RASEF: variants seen among roughly 807,000 people sequenced by gnomAD.
RASEF encodes the protein RAS and EF-hand domain containing.
Under a neutral mutation model 90.1 loss-of-function variants are expected in RASEF, and 68 were observed. The observed-to-expected ratio is 0.75, with a 90% CI of 0.62 to 0.92. The LOEUF (loss-of-function observed/expected upper bound fraction) is 0.92, where lower values mean the gene tolerates loss of function less well. Ranked by LOEUF, RASEF falls within the 40% of genes least tolerant of loss-of-function variation. The probability of loss-of-function intolerance (pLI) is 0.00; values close to 1 mark genes in which losing one functional copy is unlikely to be tolerated. For missense variants in RASEF, 949 were observed against 937.2 expected, an observed-to-expected ratio of 1.01 and a Z score of -0.16; for synonymous variants, 331 against 345.2, an observed-to-expected ratio of 0.96 and a Z score of 0.46.
chr9:83,010,385 C>T (rs1043744872), intron 5 of RASEF, among the ~76,000 whole-genome samples: 1 of 152,042 alleles, frequency 6.6e-6, no homozygotes, highest in Non-Finnish European at 1.5e-5. Context: ...AAGAGCAGCC[C>T]AGAGCATTCA....
At chr9:83,200,494 C>T in the RASEF span, among the ~76,000 whole-genome samples, 1 of 152,206 alleles carries the variant, frequency 6.6e-6, no homozygotes, top group African/African-American at 2.4e-5. Context: ...CAGAAAGGTC[C>T]TTTCCCAGAT....
the RASEF span, among the ~76,000 whole-genome samples, chr9:83,074,622 C>T: frequency 6.6e-6 from 1 of 152,148 alleles, no homozygotes. Context: ...ATTTCAGTGT[C>T]CATAAAGCTT....
At chr9:83,075,040 C>A in the RASEF span, among the ~76,000 whole-genome samples, 2 of 152,094 alleles carry the variant, frequency 1.3e-5, no homozygotes, top group African/African-American at 4.8e-5. Context: ...TAACCTTATG[C>A]AATTTTGTCT....
the RASEF span, among the ~76,000 whole-genome samples, chr9:83,179,691 C>T: frequency 6.6e-6 from 1 of 152,064 alleles, no homozygotes; most frequent in African/African-American, 2.4e-5. Context: ...ACTGTAATTG[C>T]AAATAAGCTT....
At chr9:83,137,611 T>C in the RASEF span, among the ~76,000 whole-genome samples, 1 of 152,114 alleles carries the variant, frequency 6.6e-6, no homozygotes, top group African/African-American at 2.4e-5. Flanking sequence ...AAAGGTGTGC[T>C]GAACGAAGTC....
chr9:83,126,672 C>T, the RASEF span, among the ~76,000 whole-genome samples: 1 of 152,192 alleles, frequency 6.6e-6, no homozygotes, highest in Non-Finnish European at 1.5e-5. Flanking sequence ...CAGTAGCTAC[C>T]TACTGCCCTG....
Position 83,005,455 on chromosome 9 carries a change from A to G in RASEF, c.1074T>C (p.Ser358=), listed in dbSNP as rs376992674. ...ACTTGCTATAACTGTTTTCAAGGGCACTTCTAAGGCCATCATTACTGTCAT... is the reference window on the plus strand; with the variant it reads ...ACTTGCTATAACTGTTTTCAAGGGCGCTTCTAAGGCCATCATTACTGTCAT... ...KLHDSNDGLR[S]ALENSYSKFN... The change falls in exon 8 of 17, where the codon AGT becomes AGC. Residue 358 remains serine (S), a synonymous_variant. Coordinates refer to ENST00000376447, the MANE Select transcript of RASEF (RefSeq NM_152573.4). 2 of 1,614,042 alleles carry G rather than the reference A, an allele frequency of 1.2e-6. No homozygotes were observed. The highest frequency in any genetic ancestry group is 2.2e-5 in the South Asian group (2 of 91,082).
chr9:83,203,181 T>C, the RASEF span, among the ~76,000 whole-genome samples: 1 of 152,234 alleles, frequency 6.6e-6, no homozygotes, highest in South Asian at 2.1e-4. Context: ...TTTACATTTA[T>C]TTATTAAATA....
the RASEF span, among the ~76,000 whole-genome samples, chr9:83,164,152 A>G: frequency 6.6e-6 from 1 of 151,444 alleles, no homozygotes; most frequent in East Asian, 1.9e-4. Flanking sequence ...AGTCACGTAG[A>G]ATAGAGAGAA....
At chr9:83,092,081 A>G in the RASEF span, among the ~76,000 whole-genome samples, 1 of 130,098 alleles carries the variant, frequency 7.7e-6, no homozygotes, top group African/African-American at 2.9e-5. Context: ...GCTGGAAGTC[A>G]GAGTTCTGAA....
At chr9:83,116,578 C>T in the RASEF span, among the ~76,000 whole-genome samples, 1 of 152,124 alleles carries the variant, frequency 6.6e-6, no homozygotes, top group Admixed American at 6.6e-5. Context: ...TAGTATTTAT[C>T]GAGCACATGC....
At chr9:83,208,318 A>T in the RASEF span, among the ~76,000 whole-genome samples, 1 of 152,118 alleles carries the variant, frequency 6.6e-6, no homozygotes, top group Non-Finnish European at 1.5e-5. Flanking sequence ...CTTGTGGGAG[A>T]TAAGAAAATT....
the RASEF span, among the ~76,000 whole-genome samples, chr9:83,151,151 T>C: frequency 6.6e-6 from 1 of 152,148 alleles, no homozygotes; most frequent in Non-Finnish European, 1.5e-5. Context: ...TTGTTGAGAA[T>C]TGCCAGCGCA....
chr9:83,084,387 A>T, the RASEF span, among the ~76,000 whole-genome samples: 6 of 152,212 alleles, frequency 3.9e-5, no homozygotes, highest in Non-Finnish European at 5.9e-5. Flanking sequence ...ATAATTATTT[A>T]AAATATCACC....
the RASEF span, among the ~76,000 whole-genome samples, chr9:83,093,250 C>T: frequency 6.6e-6 from 1 of 152,252 alleles, no homozygotes. Context: ...GTGGATCCCG[C>T]ACCAGGCTGC....
At chr9:83,180,163 G>C in the RASEF span, among the ~76,000 whole-genome samples, 1 of 152,070 alleles carries the variant, frequency 6.6e-6, no homozygotes, top group Admixed American at 6.6e-5. Flanking sequence ...AATGGTTTAA[G>C]CCAAGTACAA....
chr9:83,071,747 T>C, the RASEF span, among the ~76,000 whole-genome samples: 1 of 152,170 alleles, frequency 6.6e-6, no homozygotes, highest in Admixed American at 6.5e-5. Flanking sequence ...CTGATGGATT[T>C]CATTCTAATC....
chr9:83,216,943 A>T, the RASEF span, among the ~76,000 whole-genome samples: 1 of 152,160 alleles, frequency 6.6e-6, no homozygotes, highest in Non-Finnish European at 1.5e-5. Flanking sequence ...CAAACACTCA[A>T]CACCAGCTGT....
Position 82,982,789 on chromosome 9 carries a change from C to CAGAGATAGAG in RASEF, c.2118-17_2118-8dup. On this transcript the variant is annotated splice_region_variant and splice_polypyrimidine_tract_variant and intron_variant, in intron 16 of 16. Transcript: ENST00000376447. ...AGTTCTCTTTTTCACTTCTCTGAGA[C>CAGAGATAGAG]AGAGATAGAGAGAGACAGAGAGAGA... The CAGAGATAGAG allele has an allele frequency of 1.4e-6, 2 of 1,445,236 alleles. No homozygotes were observed. Among genetic ancestry groups the CAGAGATAGAG allele is most frequent in the South Asian group, 2.3e-5 (2 of 86,872 alleles). 89.5% of individuals were successfully genotyped at this position (1,445,236 alleles called of 1,614,324 possible).
Sources: allele counts gnomAD v4.1 joint callset (sites outside exome capture counted in the v4.1 genomes callset), GRCh38; gene constraint gnomAD v4.1.1; transcripts MANE v1.5; gene names NCBI Gene and HGNC (gene_info 2026-07-23, HGNC 2026-07-21).